Variants in CNBD2 observed in about 807,000 individuals in gnomAD.
The protein encoded by CNBD2 is cyclic nucleotide-binding domain-containing protein 2.
In CNBD2, 64 loss-of-function variants were observed where a neutral mutation model predicts 63.7. The observed-to-expected ratio is 1.00, with a 90% CI of 0.82 to 1.24. The LOEUF (loss-of-function observed/expected upper bound fraction) is 1.24. CNBD2 is among the 50% of genes most tolerant of loss of function. The pLI is 0.00. For synonymous variants in CNBD2, 229 were observed against 255.4 expected, an observed-to-expected ratio of 0.90 and a Z score of 0.99; for missense variants, 691 against 713.5, an observed-to-expected ratio of 0.97 and a Z score of 0.36.
chr20:35,996,544 G>A (rs2056828519), intron 8 of CNBD2, among the ~76,000 whole-genome samples: 1 of 137,858 alleles, frequency 7.3e-6, no homozygotes, highest in African/African-American at 2.8e-5. Context: ...GTCTCACTCT[G>A]TTGCCCAGGC....
chr20:36,011,113 C>T, intron 9 of CNBD2, 24 bp from the exon 10 acceptor site: 1 of 1,501,676 alleles, frequency 6.7e-7, no homozygotes, highest in Non-Finnish European at 8.9e-7. Flanking sequence ...CAGATGAGCT[C>T]TCTAACAAGC....
At chr20:36,014,699 A>G (rs2057111895) in intron 10 of CNBD2, among the ~76,000 whole-genome samples, 1 of 151,896 alleles carries the variant, frequency 6.6e-6, no homozygotes, top group Non-Finnish European at 1.5e-5. Context: ...GCAAGTGATC[A>G]TGGGTCACTG....
rs529144884 is a variant in CNBD2 at position 36,016,679 on chromosome 20, C to G, written c.1269+5422C>G. ...TGGCACACACCTGTAACCCCAGGTACTCGGGAAGCTGAGGCAGGAGAATCG... is the reference window on the plus strand; with the variant it reads ...TGGCACACACCTGTAACCCCAGGTAGTCGGGAAGCTGAGGCAGGAGAATCG... On this transcript the variant is annotated intron_variant, in intron 10 of 11. Coordinates refer to ENST00000373973, the MANE Select transcript of CNBD2 (RefSeq NM_001365709.1). 3.3e-5 allele frequency among the ~76,000 whole-genome samples: 5 copies of G among 151,538 alleles called. No homozygotes were observed. In the East Asian group the frequency reaches 9.8e-4, roughly 30 times the overall value.
chr20:36,023,158 C>T (rs1363846287), intron 10 of CNBD2, among the ~76,000 whole-genome samples: 2 of 152,140 alleles, frequency 1.3e-5, no homozygotes, highest in African/African-American at 4.8e-5. Flanking sequence ...CAGGATTTCT[C>T]CTGCCTGTCA....
chr20:35,986,654 G>A (rs1364375488), intron 6 of CNBD2, among the ~76,000 whole-genome samples: 6 of 152,184 alleles, frequency 3.9e-5, no homozygotes, highest in African/African-American at 7.2e-5. Context: ...CTCAGTGCGC[G>A]CATTGAGGCC....
intron 7 of CNBD2, among the ~76,000 whole-genome samples, chr20:35,988,453 T>C (rs569199671): frequency 6.6e-6 from 1 of 152,274 alleles, no homozygotes; most frequent in Admixed American, 6.5e-5. Flanking sequence ...TTACAGATGT[T>C]AGCCACCACA....
At chr20:35,967,273 A>G (rs567291398), upstream of CNBD2, among the ~76,000 whole-genome samples, 3 of 114,846 alleles carry the variant, frequency 2.6e-5, no homozygotes, top group Admixed American at 3.4e-4. Flanking sequence ...TTTTTGAGAC[A>G]GAGTCTTGCT....
intron 1 of CNBD2, among the ~76,000 whole-genome samples, chr20:35,972,359 G>A (rs989799148): frequency 4.6e-5 from 7 of 152,202 alleles, no homozygotes; most frequent in Admixed American, 3.3e-4. Flanking sequence ...GTTTGCTGGT[G>A]CATAACAACT....
At chr20:35,961,211 G>T (rs561429791) in intron 2 of CNBD2, among the ~76,000 whole-genome samples, 1 of 152,188 alleles carries the variant, frequency 6.6e-6, no homozygotes, top group Non-Finnish European at 1.5e-5. Context: ...GATGACAGGC[G>T]TGAGCCACCA....
intron 10 of CNBD2, 37 bp from the exon 11 acceptor site, chr20:36,023,565 A>T: frequency 6.7e-7 from 1 of 1,496,004 alleles, no homozygotes; most frequent in Non-Finnish European, 9.0e-7. Flanking sequence ...AGACCTGGCC[A>T]GTCTCTGAGG....
chr20:36,002,296 C>T (rs970683496), intron 8 of CNBD2, among the ~76,000 whole-genome samples: 1 of 152,222 alleles, frequency 6.6e-6, no homozygotes, highest in African/African-American at 2.4e-5. Context: ...ACTTGGCAGG[C>T]TGAGGCAGGA....
chr20:36,012,452 G>T (rs989898799), intron 10 of CNBD2, among the ~76,000 whole-genome samples: 5 of 150,158 alleles, frequency 3.3e-5, no homozygotes, highest in Non-Finnish European at 5.9e-5. Context: ...CACTCCTCTT[G>T]GGTGACAAGA....
chr20:36,002,550 C>T (rs1352296251), intron 8 of CNBD2, among the ~76,000 whole-genome samples: 2 of 152,180 alleles, frequency 1.3e-5, no homozygotes, highest in Non-Finnish European at 2.9e-5. Context: ...CTTGGCTTCC[C>T]AAAGTGCTGG....
At chr20:36,030,069 C>A in intron 11 of CNBD2, among the ~76,000 whole-genome samples, 1 of 152,216 alleles carries the variant, frequency 6.6e-6, no homozygotes, top group East Asian at 1.9e-4. Flanking sequence ...GTTCTGTGTT[C>A]TAAGTCTGTG....
chr20:36,005,747 G>A (rs529877248), intron 8 of CNBD2, among the ~76,000 whole-genome samples: 3 of 151,746 alleles, frequency 2.0e-5, no homozygotes, highest in African/African-American at 4.8e-5. Context: ...TCAGGAGATC[G>A]AGATCATCCT....
chr20:36,026,962 T>C (rs772890452), intron 11 of CNBD2, among the ~76,000 whole-genome samples: 2 of 152,208 alleles, frequency 1.3e-5, no homozygotes, highest in Non-Finnish European at 2.9e-5. Flanking sequence ...GTGCCCAGCA[T>C]GCAGAAGGTG....
intron 8 of CNBD2, among the ~76,000 whole-genome samples, chr20:36,005,368 C>T (rs538329401): frequency 4.6e-5 from 7 of 152,220 alleles, no homozygotes; most frequent in South Asian, 2.1e-4. Context: ...ACTCTAATGC[C>T]GCCACTGATC....
At chr20:35,957,622 T>C (rs566368187), downstream of CNBD2, 3 of 152,216 alleles carry the variant, frequency 2.0e-5, no homozygotes, top group Non-Finnish European at 4.4e-5. Context: ...GATGCAGTTA[T>C]CTACTTTCAT....
intron 2 of CNBD2, among the ~76,000 whole-genome samples, chr20:35,975,517 G>A (rs1281461756): frequency 4.7e-5 from 7 of 148,426 alleles, no homozygotes; most frequent in East Asian, 2.0e-4. Context: ...AGCCAGGATG[G>A]TCTCGATCTC....
Sources: allele counts gnomAD v4.1 joint callset (sites outside exome capture counted in the v4.1 genomes callset), GRCh38; gene constraint gnomAD v4.1.1; transcripts MANE v1.5; gene names NCBI Gene and HGNC (gene_info 2026-07-23, HGNC 2026-07-21).